RET: variants seen among roughly 807,000 people sequenced by gnomAD.
The protein encoded by RET is ret proto-oncogene, also known as proto-oncogene tyrosine-protein kinase receptor Ret.
A neutral mutation model predicts 118.3 loss-of-function variants in RET; 19 were observed. The ratio of observed to expected loss-of-function variants is 0.16; its 90% CI spans 0.11 to 0.24. The LOEUF (loss-of-function observed/expected upper bound fraction) is 0.24, where lower values mean the gene tolerates loss of function less well. Ranked by LOEUF, RET falls within the 10% of genes least tolerant of loss-of-function variation. The pLI is 1.00. For synonymous variants in RET, 597 were observed against 644.1 expected, an observed-to-expected ratio of 0.93 and a Z score of 1.11; for missense variants, 1,219 against 1,502.1, an observed-to-expected ratio of 0.81 and a Z score of 3.12.
At position 43,106,399 on chromosome 10, in the gene RET, T is replaced by A; in HGVS notation, c.891T>A (p.Arg297=). ...AGGACACCGTGGTGGCCACGCTGCG[T>A]GTCTTCGATGCAGACGTGGTACCTG... ...RKEDTVVATL[R]VFDADVVPAS... The change falls in exon 5 of 20, where the codon CGT becomes CGA. Residue 297 remains arginine, a synonymous_variant. Coordinates refer to ENST00000355710, the MANE Select transcript of RET (RefSeq NM_020975.6). The surrounding 1 kb of genome is among the most constrained non-coding windows in gnomAD (Gnocchi z 5.1). 1 of 1,612,520 alleles carries A rather than the reference T, an allele frequency of 6.2e-7. No homozygotes were observed. The highest frequency in any genetic ancestry group is 1.1e-5 in the South Asian group (1 of 91,032).
rs753733901 is a variant in RET at position 43,111,405 on chromosome 10, A to T, written c.1462A>T (p.Thr488Ser). The T allele has an allele frequency of 1.7e-5, 28 of 1,613,600 alleles. No homozygotes were observed. The Admixed American group carries it at 1.8e-4, about 11-fold the overall frequency. ...CAELHYMVVA[T>S]DQQTSRQAQA... ...CGAACTTCACTACATGGTGGTGGCC[A>T]CCGACCAGCAGACCTCTAGGCAGGC... The change falls in exon 7 of 20, where the codon ACC becomes TCC. Residue 488 changes from threonine to serine, a missense_variant. Physicochemically the swap from Thr to Ser is moderately conservative, Grantham distance 58. Around this residue, in one of 5 missense-constraint regions of RET, gnomAD observed 850 missense variants for 969.6 expected, o/e 0.88. Coordinates refer to ENST00000355710, the MANE Select transcript of RET (RefSeq NM_020975.6).
rs2132827520 is a variant in RET, at chr10:43,113,582, C to T, written c.1786C>T (p.Pro596Ser). ...GGGCAGCATTGTTGGGGGACACGAGCCTGGGGAGCCCCGGGGGATTAAAGC... is the reference window on the plus strand; with the variant it reads ...GGGCAGCATTGTTGGGGGACACGAGTCTGGGGAGCCCCGGGGGATTAAAGC... ...LRGSIVGGHE[P>S]GEPRGIKAGY... Residue 596 changes from proline to serine, a missense_variant, in exon 10 of 20, where the codon CCT becomes TCT. This residue lies in a region of RET where 850 missense variants were observed against 969.6 expected (regional missense o/e 0.88). Coordinates refer to ENST00000355710, the MANE Select transcript of RET (RefSeq NM_020975.6). The T allele has an allele frequency of 6.2e-7, 1 of 1,610,764 alleles. No homozygotes were observed. The highest frequency in any genetic ancestry group is 8.5e-7 in the Non-Finnish European group (1 of 1,179,022).
intron 1 of RET, among the ~76,000 whole-genome samples, chr10:43,096,963 G>A (rs1837534801): frequency 6.6e-6 from 1 of 152,180 alleles, no homozygotes; most frequent in Non-Finnish European, 1.5e-5. Context: ...GCTGTGCCCA[G>A]CTGCAGAGAC....
Position 43,077,165 on chromosome 10 carries a change from G to T in RET, c.-94G>T. 1 of 1,339,874 alleles carries T rather than the reference G, an allele frequency of 7.5e-7. No homozygotes were observed. Among genetic ancestry groups the T allele is most frequent in the Non-Finnish European group, 9.5e-7 (1 of 1,047,350 alleles). 83.0% of individuals were successfully genotyped at this position (1,339,874 alleles called of 1,614,324 possible). A position where few individuals can be genotyped will look rare whatever the true frequency, so the allele number is the denominator to read the frequency against. ...GTCGCGTCCGCCGCGCCCCGGGCGG[G>T]GATGGGGCGGCCAGACTGAGCGCCG... On this transcript the variant is annotated 5_prime_UTR_variant, in exon 1 of 20. Transcript: ENST00000355710.
chr10:43,108,526 T>C (rs1049918582), intron 5 of RET, among the ~76,000 whole-genome samples: 3 of 152,244 alleles, frequency 2.0e-5, no homozygotes, highest in African/African-American at 7.2e-5. Flanking sequence ...AAGTCCACCC[T>C]GCCTTCCTGT....
chr10:43,118,677 A>G (rs574034222), intron 13 of RET, among the ~76,000 whole-genome samples, 197 bp downstream of exon 13: 2 of 152,286 alleles, frequency 1.3e-5, no homozygotes, highest in East Asian at 3.9e-4. Flanking sequence ...GTCACTTTCC[A>G]TCAGAGGGGC....
In RET at chr10:43,114,458, C is replaced by G. The variant is rs1422778400; in HGVS notation, c.1880-22C>G. 1.2e-6 allele frequency: 2 copies of G among 1,604,546 alleles called. No individual in the cohort carries two copies. The highest frequency in any genetic ancestry group is 2.2e-5 in the East Asian group (1 of 44,888). On this transcript the variant is annotated intron_variant, in intron 10 of 19. Coordinates refer to ENST00000355710, the MANE Select transcript of RET (RefSeq NM_020975.6). The surrounding 1 kb of genome is among the most constrained non-coding windows in gnomAD (Gnocchi z 4.6). ...TGCCGAGCCTCTGGCGGTGCCAAGC[C>G]TCACACCACCCCCACCCACAGATCC...
At chr10:43,116,949 C>T (rs527566581) in intron 12 of RET, among the ~76,000 whole-genome samples, 48 of 152,350 alleles carry the variant, frequency 3.2e-4, no homozygotes, top group Admixed American at 2.2e-3. Context: ...TGTGCCAGTG[C>T]CACTGAAGAT....
intron 14 of RET, 89 bp downstream of exon 14, chr10:43,119,834 A>G: frequency 1.4e-6 from 2 of 1,406,492 alleles, no homozygotes; most frequent in South Asian, 1.2e-5. Flanking sequence ...CTGGCCTGCC[A>G]CTCCCCCACC....
Position 43,121,850 on chromosome 10 carries a change from A to G in RET, c.2731-96A>G, listed in dbSNP as rs1054155175. The G allele has an allele frequency of 5.6e-6, 5 of 890,918 alleles. No homozygotes were observed. In the Admixed American group the frequency reaches 6.8e-5, roughly 12 times the overall value. 55.2% of individuals were successfully genotyped at this position (890,918 alleles called of 1,614,324 possible). ...GAGTGTCTACAGCACTCCTCTGGTT[A>G]CTGAAAGCTCAGGGATAGGGCCTGG... On this transcript the variant is annotated intron_variant, in intron 15 of 19. Coordinates refer to ENST00000355710, the MANE Select transcript of RET (RefSeq NM_020975.6).
At chr10:43,126,273 T>A (rs1838326923) in intron 18 of RET, among the ~76,000 whole-genome samples, 1 of 152,176 alleles carries the variant, frequency 6.6e-6, no homozygotes, top group Non-Finnish European at 1.5e-5. Flanking sequence ...AAGGCTGCCC[T>A]CCAGGCCCTG....
At chr10:43,094,123 C>G (rs1283188309) in intron 1 of RET, among the ~76,000 whole-genome samples, 1 of 151,878 alleles carries the variant, frequency 6.6e-6, no homozygotes, top group Non-Finnish European at 1.5e-5. Flanking sequence ...CAGGTCACAT[C>G]CTGAGAGGAT....
Position 43,126,671 on chromosome 10 carries a change from G to GC in RET, c.3142dup (p.Leu1048ProfsTer11). On this transcript the variant is annotated frameshift_variant, in exon 19 of 20. Transcript: ENST00000355710. LOFTEE classifies it high-confidence loss of function. ...GACACCGCTGGTGGACTGTAATAAT[G>GC]CCCCCCTCCCTCGAGCCCTCCCTTC... 2 of 1,613,938 alleles carry GC rather than the reference G, an allele frequency of 1.2e-6. No homozygotes were observed. The highest frequency in any genetic ancestry group is 8.5e-7 in the Non-Finnish European group (1 of 1,179,978).
At position 43,128,311 on chromosome 10, in the gene RET, C is replaced by T. The variant is rs1390760145; in HGVS notation, c.*42C>T. 5 of 1,608,764 alleles carry T rather than the reference C, an allele frequency of 3.1e-6. No homozygotes were observed. Among genetic ancestry groups the T allele is most frequent in the South Asian group, 1.1e-5 (1 of 90,962 alleles). ...GTAATGGACTCACAAGGGGAAGAAA[C>T]ATGCTGAGAATGGAAAGTCTACCGG... is the stretch of plus-strand genomic sequence containing the variant. On this transcript the variant is annotated 3_prime_UTR_variant, in exon 20 of 20. Transcript: ENST00000355710.
intron 1 of RET, among the ~76,000 whole-genome samples, chr10:43,094,366 C>T (rs1037297454): frequency 1.8e-4 from 28 of 152,180 alleles, no homozygotes; most frequent in African/African-American, 5.5e-4. Flanking sequence ...GGGCTGGTGT[C>T]GCATGAGGGG....
At chr10:43,112,290 G>T (rs1028036457) in intron 8 of RET, 66 bp downstream of exon 8, 3 of 1,497,134 alleles carry the variant, frequency 2.0e-6, no homozygotes, top group Non-Finnish European at 2.7e-6. Context: ...CGGGGTCCTG[G>T]GGCCCTGCCA....
intron 19 of RET, among the ~76,000 whole-genome samples, chr10:43,127,868 T>A (rs1395506461): frequency 6.6e-6 from 1 of 151,932 alleles, no homozygotes; most frequent in Non-Finnish European, 1.5e-5. Flanking sequence ...GATTAGAGAG[T>A]CTCAAGTTCA....
At chr10:43,084,339 A>G (rs964044711) in intron 1 of RET, among the ~76,000 whole-genome samples, 1 of 152,200 alleles carries the variant, frequency 6.6e-6, no homozygotes, top group African/African-American at 2.4e-5. Context: ...GTTACAATCT[A>G]TCCACATTCT....
chr10:43,100,782 C>A, intron 2 of RET, 60 bp downstream of exon 2: 1 of 1,515,332 alleles, frequency 6.6e-7, no homozygotes, highest in Non-Finnish European at 8.9e-7. Context: ...TCAAGCCGCC[C>A]TTATCACAGC....
Sources: gnomAD v4.1 joint callset for allele counts (sites outside exome capture counted in the v4.1 genomes callset) on GRCh38, gnomAD v4.1.1 for gene constraint, gnomAD v4.1.1 regional missense constraint, Gnocchi (gnomAD v3.1) non-coding constraint, MANE v1.5 for transcripts, NCBI Gene and HGNC (gene_info 2026-07-23, HGNC 2026-07-21) for gene names.